MAML2: variants seen among roughly 807,000 people sequenced by gnomAD.
MAML2 encodes mastermind-like protein 2.
MAML2 carries 22 observed loss-of-function variants against 96.1 expected under a neutral mutation model. The ratio of observed to expected loss-of-function variants is 0.23; its 90% CI spans 0.16 to 0.33. The LOEUF (loss-of-function observed/expected upper bound fraction) is 0.33. MAML2 is among the 10% of genes least tolerant of loss of function. The pLI, the probability that MAML2 is intolerant of heterozygous loss-of-function variation, is 1.00. For synonymous variants in MAML2, 561 were observed against 521.3 expected (o/e 1.08, Z -1.04); for missense variants, 1,367 against 1,392.4 (o/e 0.98, Z 0.29).
rs1377343783 is a variant in MAML2, at chr11:95,995,367, C to T, written c.2140-3644G>A. ...TCTTTCTTCTCAGTTAGGGGCTTAG[C>T]TCAGGTCTCTGTTAGCTTTGCTCTT... On this transcript the variant is annotated intron_variant, in intron 2 of 4. Coordinates refer to ENST00000524717, the MANE Select transcript of MAML2 (RefSeq NM_032427.4). 4.6e-5 allele frequency among the ~76,000 whole-genome samples: 7 copies of T among 152,254 alleles called. No individual in the cohort carries two copies. In the East Asian group the frequency reaches 1.4e-3, roughly 29 times the overall value.
intron 1 of MAML2, among the ~76,000 whole-genome samples, chr11:96,225,832 C>CA (rs36112117): frequency 0.029 from 4,237 of 145,022 alleles, 198 homozygotes; most frequent in African/African-American, 0.097. Context: ...GACACTATCT[C>CA]AAAAAAAAAA....
intron 1 of MAML2, among the ~76,000 whole-genome samples, chr11:96,201,019 G>A (rs115888492): frequency 0.02 from 2,996 of 151,042 alleles, 90 homozygotes; most frequent in African/African-American, 0.057. Flanking sequence ...ACTCTTGGGG[G>A]AAAAAAAAGC....
intron 2 of MAML2, among the ~76,000 whole-genome samples, chr11:96,037,852 T>C (rs1412344356): frequency 6.6e-6 from 1 of 152,184 alleles, no homozygotes; most frequent in East Asian, 1.9e-4. Context: ...CTCTTGATAT[T>C]TTAACTCCCA....
chr11:96,312,050 T>C (rs1014382181), intron 1 of MAML2, among the ~76,000 whole-genome samples: 20 of 151,476 alleles, frequency 1.3e-4, no homozygotes, highest in African/African-American at 4.6e-4. Flanking sequence ...TGAAACCCTG[T>C]CTCTACAAAA....
chr11:96,002,151 C>G (rs1426659880), intron 2 of MAML2, among the ~76,000 whole-genome samples: 1 of 152,146 alleles, frequency 6.6e-6, no homozygotes, highest in Non-Finnish European at 1.5e-5. Context: ...TGCTCATTTG[C>G]TTATACCTCT....
At chr11:96,105,246 G>A (rs1259336904) in intron 1 of MAML2, among the ~76,000 whole-genome samples, 1 of 152,222 alleles carries the variant, frequency 6.6e-6, no homozygotes, top group Non-Finnish European at 1.5e-5. Context: ...ACTGAGAGGT[G>A]CCGTTCCATG....
intron 1 of MAML2, among the ~76,000 whole-genome samples, chr11:96,105,449 C>A (rs1468441680): frequency 6.6e-6 from 1 of 152,214 alleles, no homozygotes; most frequent in Non-Finnish European, 1.5e-5. Flanking sequence ...ATACAATCAC[C>A]TGGAGACACA....
chr11:96,329,136 G>A (rs550977416), intron 1 of MAML2, among the ~76,000 whole-genome samples: 13 of 151,876 alleles, frequency 8.6e-5, no homozygotes, highest in Admixed American at 2.0e-4. Flanking sequence ...AATCGCTTGG[G>A]AATCTTTACC....
chr11:96,001,231 C>G (rs999350101), intron 2 of MAML2, among the ~76,000 whole-genome samples: 1 of 152,148 alleles, frequency 6.6e-6, no homozygotes, highest in Non-Finnish European at 1.5e-5. Context: ...CGGGTTGGCA[C>G]AGAGACCAGT....
chr11:96,245,602 T>C (rs1011218867), intron 1 of MAML2, among the ~76,000 whole-genome samples: 4 of 152,174 alleles, frequency 2.6e-5, no homozygotes, highest in African/African-American at 9.7e-5. Context: ...TCATCTGAAA[T>C]GCACCACGTT....
chr11:96,113,243 A>G (rs184737480), intron 1 of MAML2, among the ~76,000 whole-genome samples: 235 of 152,016 alleles, frequency 1.5e-3, no homozygotes, highest in Non-Finnish European at 2.8e-3. Context: ...ACATTTAATC[A>G]TGCTGTTCAA....
intron 1 of MAML2, among the ~76,000 whole-genome samples, chr11:96,275,902 T>C (rs1038234997): frequency 2.6e-5 from 4 of 152,338 alleles, no homozygotes; most frequent in Admixed American, 2.0e-4. Context: ...CTAAATATTT[T>C]AACCCATAGA....
intron 1 of MAML2, among the ~76,000 whole-genome samples, chr11:96,245,318 G>A (rs1200436355): frequency 1.3e-5 from 2 of 148,988 alleles, no homozygotes; most frequent in African/African-American, 5.0e-5. Flanking sequence ...TTTCACCCTA[G>A]ATAGGATATG....
intron 1 of MAML2, among the ~76,000 whole-genome samples, chr11:96,335,521 T>G (rs1863909509): frequency 1.3e-5 from 2 of 152,196 alleles, no homozygotes; most frequent in South Asian, 4.1e-4. Context: ...GGGCATGTCA[T>G]GCAGTATATA....
intron 1 of MAML2, among the ~76,000 whole-genome samples, chr11:96,187,743 G>C (rs922879110): frequency 2.6e-5 from 4 of 151,156 alleles, no homozygotes; most frequent in African/African-American, 9.7e-5. Context: ...GCAGTGAGCC[G>C]AGATCGTGCC....
chr11:96,014,348 G>A lies in MAML2; in HGVS notation c.2140-22625C>T, dbSNP rs180721101. ...CTAGGCTCTCCACAGGGATCCTTGC[G>A]ACAGGGATGACACAGTGGTTGTTGA... is the stretch of plus-strand genomic sequence containing the variant. On this transcript the variant is annotated intron_variant, in intron 2 of 4. Transcript: ENST00000524717. 2.8e-4 allele frequency among the ~76,000 whole-genome samples: 42 copies of A among 152,236 alleles called. No homozygotes were observed. In the East Asian group the frequency reaches 7.3e-3, roughly 27 times the overall value.
chr11:96,222,532 A>T (rs1392942779), intron 1 of MAML2, among the ~76,000 whole-genome samples: 2 of 152,208 alleles, frequency 1.3e-5, no homozygotes, highest in African/African-American at 4.8e-5. Flanking sequence ...AGAAAAAGAC[A>T]AATTAATTAA....
At chr11:96,245,939 G>A (rs555404248) in intron 1 of MAML2, among the ~76,000 whole-genome samples, 13 of 152,046 alleles carry the variant, frequency 8.6e-5, no homozygotes, top group Admixed American at 3.9e-4. Flanking sequence ...TCCTGACCTC[G>A]TGATCTGCCC....
rs569674594 is a variant in MAML2, at chr11:96,131,329, T to C, written c.514-37812A>G. On this transcript the variant is annotated intron_variant, in intron 1 of 4. Coordinates refer to ENST00000524717, the MANE Select transcript of MAML2 (RefSeq NM_032427.4). ...GGAGAAATAATAAAAATAAAAATAGTTTGAGATTTCAAAACCCTACTTTCA... is the reference window on the plus strand; with the variant it reads ...GGAGAAATAATAAAAATAAAAATAGCTTGAGATTTCAAAACCCTACTTTCA... 2.6e-5 allele frequency among the ~76,000 whole-genome samples: 4 copies of C among 151,970 alleles called. No homozygotes were observed. In the East Asian group the frequency reaches 7.7e-4, roughly 29 times the overall value.
Sources: gnomAD v4.1 joint callset for allele counts (sites outside exome capture counted in the v4.1 genomes callset) on GRCh38, gnomAD v4.1.1 for gene constraint, MANE v1.5 for transcripts, NCBI Gene and HGNC (gene_info 2026-07-23, HGNC 2026-07-21) for gene names.